Variants in TAX1BP1 observed in about 807,000 individuals in gnomAD.
The protein encoded by TAX1BP1 is tax1-binding protein 1.
A neutral mutation model predicts 97.7 loss-of-function variants in TAX1BP1; 62 were observed. The ratio of observed to expected loss-of-function variants is 0.63; its 90% CI spans 0.52 to 0.78. The LOEUF (loss-of-function observed/expected upper bound fraction) is 0.78, where lower values mean the gene tolerates loss of function less well. TAX1BP1 is among the 30% of genes least tolerant of loss of function. The pLI is 0.00. For missense variants in TAX1BP1, 867 were observed against 916.1 expected (o/e 0.95, Z 0.69); for synonymous variants, 340 against 304.2 (o/e 1.12, Z -1.23).
intron 13 of TAX1BP1, among the ~76,000 whole-genome samples, chr7:27,800,484 G>A (rs922104314): frequency 1.3e-4 from 20 of 151,814 alleles, no homozygotes; most frequent in Admixed American, 6.6e-5. Flanking sequence ...TGGGATGCCA[G>A]TCTGGGAGGA....
At chr7:27,762,015 GT>G (rs1258146037) in intron 3 of TAX1BP1, among the ~76,000 whole-genome samples, 1 of 152,130 alleles carries the variant, frequency 6.6e-6, no homozygotes, top group Non-Finnish European at 1.5e-5. Context: ...TTGGATTTTG[GT>G]GGTCTGTTTG....
At chr7:27,796,580 G>A (rs533799789) in intron 12 of TAX1BP1, among the ~76,000 whole-genome samples, 1 of 152,248 alleles carries the variant, frequency 6.6e-6, no homozygotes, top group Admixed American at 6.5e-5. Context: ...TACTATTATC[G>A]GCCAGGTGCG....
intron 13 of TAX1BP1, among the ~76,000 whole-genome samples, chr7:27,804,831 T>C (rs1266915966): frequency 6.6e-6 from 1 of 152,190 alleles, no homozygotes; most frequent in Non-Finnish European, 1.5e-5. Flanking sequence ...CTGAAAACCA[T>C]TCCATATATG....
chr7:27,816,862 C>T (rs760301639), intron 14 of TAX1BP1, 28 bp from the exon 15 acceptor site: 1 of 1,613,058 alleles, frequency 6.2e-7, no homozygotes, highest in South Asian at 1.1e-5. Context: ...ACCAGTTTCA[C>T]TCTACCTTTC....
chr7:27,785,600 T>C (rs1337084494), intron 7 of TAX1BP1, 111 bp downstream of exon 7: 4 of 851,978 alleles, frequency 4.7e-6, no homozygotes, highest in Admixed American at 2.5e-5. Flanking sequence ...TGGTTCTGGC[T>C]CTAGCCTCTT....
At position 27,758,114 on chromosome 7, in the gene TAX1BP1, T is replaced by C. The variant is rs1562702119; in HGVS notation, c.246T>C (p.Asn82=). ...ATTATGTGGAAGGATCAACAGTCAA[T>C]TGTGTACTAGCATTCCAAGGTAAGG... The part of the protein sequence containing the change: ...PEHYVEGSTV[N]CVLAFQGYYL... The change falls in exon 3 of 17, where the codon AAT becomes AAC. Residue 82 remains asparagine (N), a synonymous_variant. Transcript: ENST00000396319. 1.2e-6 allele frequency: 2 copies of C among 1,611,306 alleles called. No homozygotes were observed. The highest frequency in any genetic ancestry group is 2.2e-5 in the East Asian group (1 of 44,720).
At chr7:27,767,529 AG>A (rs2128311911) in intron 4 of TAX1BP1, among the ~76,000 whole-genome samples, 1 of 152,216 alleles carries the variant, frequency 6.6e-6, no homozygotes, top group Non-Finnish European at 1.5e-5. Flanking sequence ...TAACTTTTAT[AG>A]GGTGACTAAA....
intron 3 of TAX1BP1, among the ~76,000 whole-genome samples, chr7:27,760,513 C>G (rs1231483039): frequency 6.6e-6 from 1 of 151,904 alleles, no homozygotes; most frequent in African/African-American, 2.4e-5. Context: ...CTGCCTCAGC[C>G]TCCCAAGTAG....
chr7:27,747,775 G>A (rs923171672), intron 1 of TAX1BP1, among the ~76,000 whole-genome samples: 1 of 149,924 alleles, frequency 6.7e-6, no homozygotes, highest in Admixed American at 6.7e-5. Context: ...TTGGGGCGAT[G>A]TAGGGGCAGG....
At chr7:27,809,617 C>A (rs574385559) in intron 13 of TAX1BP1, among the ~76,000 whole-genome samples, 1 of 152,216 alleles carries the variant, frequency 6.6e-6, no homozygotes, top group South Asian at 2.1e-4. Flanking sequence ...CATTCTCTGT[C>A]CCCCATGAGG....
At chr7:27,772,244 C>G (rs1388729538) in intron 5 of TAX1BP1, 1 of 151,580 alleles carries the variant, frequency 6.6e-6, no homozygotes, top group African/African-American at 2.4e-5. Context: ...TCCAGACTTT[C>G]AAACTGGTCT....
chr7:27,769,809 G>C lies in TAX1BP1; in HGVS notation c.587G>C (p.Cys196Ser). ...ERELNHEKER[C>S]DQLQAEQKGL... ...GAACTTAACCATGAGAAAGAAAGATGTGACCAACTGCAAGCAGAACAAAAG... is the reference window on the plus strand; with the variant it reads ...GAACTTAACCATGAGAAAGAAAGATCTGACCAACTGCAAGCAGAACAAAAG... The change falls in exon 5 of 17, where the codon TGT becomes TCT. Residue 196 changes from cysteine to serine, a missense_variant. Coordinates refer to ENST00000396319, the MANE Select transcript of TAX1BP1 (RefSeq NM_006024.7). 6.2e-7 allele frequency: 1 copy of C among 1,612,228 alleles called. No individual in the cohort carries two copies.
chr7:27,796,690 T>A (rs1230516975), intron 12 of TAX1BP1, among the ~76,000 whole-genome samples: 1 of 151,926 alleles, frequency 6.6e-6, no homozygotes, highest in East Asian at 1.9e-4. Context: ...GGTGAAACCC[T>A]GTCTGTACTA....
At chr7:27,820,247 A>G (rs1158095299) in intron 15 of TAX1BP1, among the ~76,000 whole-genome samples, 1 of 152,176 alleles carries the variant, frequency 6.6e-6, no homozygotes, top group Non-Finnish European at 1.5e-5. Flanking sequence ...ACGAAAGCCC[A>G]CACATTCTAT....
At chr7:27,827,646 T>A in intron 15 of TAX1BP1, 92 bp from the exon 16 acceptor site, 2 of 981,558 alleles carry the variant, frequency 2.0e-6, no homozygotes, top group Non-Finnish European at 3.1e-6. Flanking sequence ...AGTGTAATCT[T>A]CTTTTATACT....
chr7:27,792,749 C>G (rs945919470), intron 9 of TAX1BP1, among the ~76,000 whole-genome samples: 4 of 151,940 alleles, frequency 2.6e-5, no homozygotes, highest in African/African-American at 9.7e-5. Context: ...ATCGCTTGAT[C>G]CCAGGAATTC....
intron 5 of TAX1BP1, among the ~76,000 whole-genome samples, chr7:27,780,483 C>T (rs1481528814): frequency 6.6e-6 from 1 of 152,084 alleles, no homozygotes; most frequent in East Asian, 1.9e-4. Flanking sequence ...ATGTATTATA[C>T]ATAAAGCACA....
intron 8 of TAX1BP1, among the ~76,000 whole-genome samples, chr7:27,788,608 C>A (rs1331136619): frequency 6.6e-6 from 1 of 152,032 alleles, no homozygotes; most frequent in East Asian, 1.9e-4. Flanking sequence ...TTTGGACTTA[C>A]TGATTTTTTG....
At chr7:27,755,572 C>G (rs963083571) in intron 2 of TAX1BP1, among the ~76,000 whole-genome samples, 11 of 152,152 alleles carry the variant, frequency 7.2e-5, no homozygotes, top group Admixed American at 2.0e-4. Context: ...ACTTATCCAA[C>G]ATGTTTTTCT....
Sources: gnomAD v4.1 joint callset for allele counts (sites outside exome capture counted in the v4.1 genomes callset) on GRCh38, gnomAD v4.1.1 for gene constraint, MANE v1.5 for transcripts, NCBI Gene and HGNC (gene_info 2026-07-23, HGNC 2026-07-21) for gene names.